The following TMEM45A variants were observed in gnomAD, a reference collection of about 807,000 sequenced individuals.
TMEM45A encodes the protein DNA polymerase-transactivated protein 4.
A neutral mutation model predicts 32.0 loss-of-function variants in TMEM45A; 25 were observed. That is an observed-to-expected ratio of 0.78 (90% CI 0.57 to 1.09). The LOEUF (loss-of-function observed/expected upper bound fraction) is 1.09. TMEM45A is among the 50% of genes least tolerant of loss of function. The pLI, the probability that TMEM45A is intolerant of heterozygous loss-of-function variation, is 0.00. For synonymous variants in TMEM45A, 122 were observed against 114.8 expected (o/e 1.06, Z -0.40); for missense variants, 302 against 325.0 (o/e 0.93, Z 0.54).
chr3:100,541,719 C>T (rs1003198291), intron 1 of TMEM45A, among the ~76,000 whole-genome samples: 3 of 151,816 alleles, frequency 2.0e-5, no homozygotes, highest in African/African-American at 7.3e-5. Flanking sequence ...TTAGTAGAGA[C>T]AGGGTTTTGC....
At chr3:100,513,646 A>G (rs2148939622) in intron 1 of TMEM45A, among the ~76,000 whole-genome samples, 1 of 150,712 alleles carries the variant, frequency 6.6e-6, no homozygotes, top group Non-Finnish European at 1.5e-5. Context: ...CAGGAGAAGG[A>G]AATAAAGGGT....
At chr3:100,556,603 A>T (rs549211002) in intron 2 of TMEM45A, among the ~76,000 whole-genome samples, 157 bp from the exon 3 acceptor site, 253 of 152,372 alleles carry the variant, frequency 1.7e-3, no homozygotes, top group Middle Eastern at 3.4e-3. Flanking sequence ...AAAGAAGCCT[A>T]AAGTGCCAGT....
chr3:100,539,645 G>A (rs7428188), intron 1 of TMEM45A, among the ~76,000 whole-genome samples: 31,315 of 151,950 alleles, frequency 0.21, 4,070 homozygotes, highest in Non-Finnish European at 0.29. Context: ...GAGCTCCTAT[G>A]TCCAAGGGCA....
chr3:100,501,126 A>G (rs1206935407), intron 1 of TMEM45A, among the ~76,000 whole-genome samples: 1 of 152,220 alleles, frequency 6.6e-6, no homozygotes, highest in African/African-American at 2.4e-5. Context: ...GGTAAACTGT[A>G]CTACTTGTAT....
At chr3:100,512,291 A>G (rs2148937845) in intron 1 of TMEM45A, among the ~76,000 whole-genome samples, 1 of 152,362 alleles carries the variant, frequency 6.6e-6, no homozygotes, top group Non-Finnish European at 1.5e-5. Context: ...ACCACAGTGC[A>G]ATCAAACTAG....
In TMEM45A at chr3:100,563,453, C is replaced by T. The variant is rs7428856; in HGVS notation, c.588+4864C>T. Among the ~76,000 whole-genome samples, 1,435 of 152,294 alleles carry T rather than the reference C, an allele frequency of 9.4e-3. 22 individuals are homozygous for T. The highest frequency in any genetic ancestry group is 0.034 in the African/African-American group (1,399 of 41,556). On this transcript the variant is annotated intron_variant, in intron 4 of 5. Coordinates refer to ENST00000323523, the MANE Select transcript of TMEM45A (RefSeq NM_018004.3). ...TAACTCTTATCTCTGGGAGCTGAAG[C>T]AGATCACTTCCCAGATCGCAGGTCA...
intron 1 of TMEM45A, among the ~76,000 whole-genome samples, chr3:100,532,833 G>C (rs1705670074): frequency 6.6e-6 from 1 of 152,052 alleles, no homozygotes; most frequent in Non-Finnish European, 1.5e-5. Flanking sequence ...ATGTTAAATG[G>C]GGAGAAAAAT....
chr3:100,555,237 T>A lies in TMEM45A; in HGVS notation c.26T>A (p.Leu9His). 3 of 1,606,692 alleles carry A rather than the reference T, an allele frequency of 1.9e-6. No homozygotes were observed. The highest frequency in any genetic ancestry group is 2.5e-6 in the Non-Finnish European group (3 of 1,176,634). The change falls in exon 2 of 6, where the codon CTC (leucine) becomes CAC (histidine). Residue 9 changes from leucine (L) to histidine (H), a missense_variant. Leu to His is a moderately conservative substitution (Grantham distance 99). Transcript: ENST00000323523. ...ATGGGGAATTTCAGAGGTCATGCCC[T>A]CCCTGGAACCTTCTTTTTTATTATT... MGNFRGHA[L>H]PGTFFFIIGL... is the part of the protein sequence containing the mutation.
chr3:100,541,794 G>A (rs907725729), intron 1 of TMEM45A, among the ~76,000 whole-genome samples: 5 of 152,112 alleles, frequency 3.3e-5, no homozygotes, highest in African/African-American at 7.2e-5. Context: ...GCCTCCCAAA[G>A]TGGAGTTAAT....
At chr3:100,567,224 G>T (rs1706460185) in intron 4 of TMEM45A, among the ~76,000 whole-genome samples, 1 of 151,236 alleles carries the variant, frequency 6.6e-6, no homozygotes. Flanking sequence ...TTTTTTTCAT[G>T]TGAATACCCG....
chr3:100,559,153 A>C (rs2148985426), intron 4 of TMEM45A, among the ~76,000 whole-genome samples: 1 of 152,340 alleles, frequency 6.6e-6, no homozygotes, highest in South Asian at 2.1e-4. Context: ...TTAAGCTGTT[A>C]ACTCTTTAAC....
At chr3:100,563,537 C>T (rs913216002) in intron 4 of TMEM45A, among the ~76,000 whole-genome samples, 4 of 152,092 alleles carry the variant, frequency 2.6e-5, no homozygotes, top group Non-Finnish European at 4.4e-5. Flanking sequence ...GAGGGCTAGT[C>T]CACAGCTCTA....
intron 1 of TMEM45A, among the ~76,000 whole-genome samples, chr3:100,540,484 T>G (rs1297276977): frequency 6.6e-6 from 1 of 152,146 alleles, no homozygotes; most frequent in Non-Finnish European, 1.5e-5. Flanking sequence ...AAAACAACAG[T>G]GAGATACTAC....
At chr3:100,500,242 A>T (rs59771628) in intron 1 of TMEM45A, among the ~76,000 whole-genome samples, 1 of 151,914 alleles carries the variant, frequency 6.6e-6, no homozygotes, top group Non-Finnish European at 1.5e-5. Context: ...TGCATTGTTC[A>T]GACCTTGTTT....
chr3:100,496,003 A>G (rs1470261628), intron 1 of TMEM45A, among the ~76,000 whole-genome samples: 1 of 152,196 alleles, frequency 6.6e-6, no homozygotes, highest in Non-Finnish European at 1.5e-5. Flanking sequence ...TAAGAACTGT[A>G]ATATGCACTT....
chr3:100,505,162 C>T (rs1708061817), intron 1 of TMEM45A, among the ~76,000 whole-genome samples: 1 of 152,088 alleles, frequency 6.6e-6, no homozygotes, highest in Non-Finnish European at 1.5e-5. Flanking sequence ...TAAACAATTT[C>T]CTGGTGGGTT....
chr3:100,501,885 C>G (rs1708012384), intron 1 of TMEM45A, among the ~76,000 whole-genome samples: 1 of 152,164 alleles, frequency 6.6e-6, no homozygotes, highest in Non-Finnish European at 1.5e-5. Context: ...CTGTGTCTAT[C>G]TCGGACTCAG....
At chr3:100,502,577 C>G (rs1217493098) in intron 1 of TMEM45A, among the ~76,000 whole-genome samples, 1 of 152,110 alleles carries the variant, frequency 6.6e-6, no homozygotes, top group Non-Finnish European at 1.5e-5. Flanking sequence ...AGCCATCTTC[C>G]TGCCTCAACC....
chr3:100,543,187 C>A (rs1346333144), intron 1 of TMEM45A, among the ~76,000 whole-genome samples: 1 of 152,104 alleles, frequency 6.6e-6, no homozygotes, highest in Non-Finnish European at 1.5e-5. Flanking sequence ...ATTCAAAAAT[C>A]TTTTACTGGT....
Sources: allele counts gnomAD v4.1 joint callset (sites outside exome capture counted in the v4.1 genomes callset), GRCh38; gene constraint gnomAD v4.1.1; transcripts MANE v1.5; gene names NCBI Gene and HGNC (gene_info 2026-07-23, HGNC 2026-07-21).